RHEX: variants seen among roughly 807,000 people sequenced by gnomAD.
The protein encoded by RHEX is regulator of hemoglobinization and erythroid cell expansion.
In RHEX, 18 loss-of-function variants were observed where a neutral mutation model predicts 20.1. That is an observed-to-expected ratio of 0.90 (90% CI 0.62 to 1.33). The LOEUF is 1.33. Among genes scored for constraint, RHEX ranks in the 40% most tolerant of loss-of-function variants. The pLI, the probability that RHEX is intolerant of heterozygous loss-of-function variation, is 0.00. For synonymous variants in RHEX, 87 were observed against 77.1 expected (o/e 1.13, Z -0.67); for missense variants, 192 against 214.3 (o/e 0.90, Z 0.65).
intron 1 of RHEX, among the ~76,000 whole-genome samples, chr1:206,085,767 C>T (rs1255752809): frequency 1.3e-5 from 2 of 152,092 alleles, no homozygotes; most frequent in Non-Finnish European, 2.9e-5. Context: ...AACAAAATGT[C>T]AGAACTGAAT....
At chr1:206,065,318 C>T (rs1227283548) in intron 1 of RHEX, among the ~76,000 whole-genome samples, 3 of 151,476 alleles carry the variant, frequency 2.0e-5, no homozygotes, top group Non-Finnish European at 2.9e-5. Flanking sequence ...TTGAGCCAGA[C>T]TGTAGGGGCA....
chr1:206,096,023 T>A (rs1306564933), intron 1 of RHEX, among the ~76,000 whole-genome samples: 1 of 151,876 alleles, frequency 6.6e-6, no homozygotes, highest in Non-Finnish European at 1.5e-5. Flanking sequence ...AGAGATGGGG[T>A]CTTGCTATGT....
Position 206,101,162 on chromosome 1 carries a change from T to G in RHEX, c.283T>G (p.Leu95Val), listed in dbSNP as rs141643308. The G allele has an allele frequency of 1.0e-4, 168 of 1,613,218 alleles. No homozygotes were observed. The African/African-American group carries it at 2.0e-3, about 19-fold the overall frequency. ...RHDSDTPSDSLDSSCSSPPAC... is the reference protein window; with the variant it reads ...RHDSDTPSDSVDSSCSSPPAC... ...TGACAGCGACACACCCTCAGATAGC[T>G]TGGATAGCTCCTGCAGTTCGCCTCC... Residue 95 changes from leucine to valine, a missense_variant, in exon 5 of 6, where the codon TTG becomes GTG. Coordinates refer to ENST00000331555, the MANE Select transcript of RHEX (RefSeq NM_001007544.4).
chr1:206,092,010 T>G (rs1374707892), intron 1 of RHEX, among the ~76,000 whole-genome samples: 2 of 152,120 alleles, frequency 1.3e-5, no homozygotes, highest in Non-Finnish European at 2.9e-5. Context: ...TGATAATGCT[T>G]CTAATTTATT....
chr1:206,055,493 A>G (rs1662168925), intron 1 of RHEX, among the ~76,000 whole-genome samples: 1 of 152,268 alleles, frequency 6.6e-6, no homozygotes, highest in Admixed American at 6.5e-5. Context: ...AAAAATAATA[A>G]GACATCGTAA....
At chr1:206,058,700 C>T (rs560008805) in intron 1 of RHEX, among the ~76,000 whole-genome samples, 57 of 152,308 alleles carry the variant, frequency 3.7e-4, no homozygotes, top group African/African-American at 1.3e-3. Context: ...CCGGTGCATG[C>T]AGCCCCTGTC....
At position 206,099,743 on chromosome 1, in the gene RHEX, G is replaced by C. The variant is rs782739960; in HGVS notation, c.201G>C (p.Glu67Asp). 1 of 1,614,062 alleles carries C rather than the reference G, an allele frequency of 6.2e-7. No individual in the cohort carries two copies. Among genetic ancestry groups the C allele is most frequent in the Non-Finnish European group, 8.5e-7 (1 of 1,179,950 alleles). Residue 67 changes from glutamate to aspartate, a missense_variant, in exon 4 of 6, where the codon GAG becomes GAC. Glu to Asp is a conservative substitution (Grantham distance 45). Transcript: ENST00000331555. Reference sequence around the variant, plus strand: ...ACCATCATCCACCTGCTGTCAAAGAGATGAAGGAGACTCAGACAGAGAGAG... The same window carrying C: ...ACCATCATCCACCTGCTGTCAAAGACATGAAGGAGACTCAGACAGAGAGAG... The part of the protein sequence containing the change: ...PGHHHPPAVK[E>D]MKETQTERDI...
intron 1 of RHEX, among the ~76,000 whole-genome samples, chr1:206,058,138 G>A (rs111318987): frequency 1.2e-3 from 183 of 152,338 alleles, no homozygotes; most frequent in African/African-American, 3.3e-3. Flanking sequence ...AGTGTGGCAC[G>A]GACTCAATCT....
chr1:206,089,848 G>T (rs1421246220), intron 1 of RHEX, among the ~76,000 whole-genome samples: 3 of 151,792 alleles, frequency 2.0e-5, no homozygotes, highest in African/African-American at 7.3e-5. Flanking sequence ...TATAAACTGA[G>T]AAAGTTTTCT....
At chr1:206,070,961 C>T (rs1662513619) in intron 1 of RHEX, among the ~76,000 whole-genome samples, 1 of 152,094 alleles carries the variant, frequency 6.6e-6, no homozygotes, top group African/African-American at 2.4e-5. Flanking sequence ...TTAGGGTTCT[C>T]TAGAAGGACA....
In RHEX at chr1:206,099,675, C is replaced by T. The variant is rs1553288148; in HGVS notation, c.133C>T (p.Leu45=). The change falls in exon 4 of 6, where the codon CTG becomes TTG. Residue 45 remains leucine, a synonymous_variant. Transcript: ENST00000331555. ...RHMAHKSEQI[L]KAASLQVPRP... ...TCCAGCCCACAAGAGTGAACAGATA[C>T]TGAAAGCGGCCAGTCTCCAGGTTCC... is the stretch of plus-strand genomic sequence containing the variant. The T allele has an allele frequency of 1.9e-6, 3 of 1,614,104 alleles. No homozygotes were observed. The highest frequency in any genetic ancestry group is 3.3e-5 in the Admixed American group (2 of 60,024).
Position 206,098,078 on chromosome 1 carries a change from CAG to C in RHEX, c.12_13del. ...GACTTTGCCCCTTTTTCTTTCCCAA[CAG>C]AGTCATGGAGGTCTGGCATGGCTTA... is the stretch of plus-strand genomic sequence containing the variant. On this transcript the variant is annotated splice_acceptor_variant, in intron 2 of 5. Transcript: ENST00000331555. LOFTEE classifies it high-confidence loss of function. 2.5e-6 allele frequency: 4 copies of C among 1,611,790 alleles called. No homozygotes were observed. The highest frequency in any genetic ancestry group is 2.2e-5 in the East Asian group (1 of 44,882).
chr1:206,093,431 C>T (rs1036390443), intron 1 of RHEX, among the ~76,000 whole-genome samples: 3 of 151,968 alleles, frequency 2.0e-5, no homozygotes, highest in African/African-American at 4.8e-5. Flanking sequence ...CCACCATGCC[C>T]GGCTAATTTT....
intron 1 of RHEX, among the ~76,000 whole-genome samples, chr1:206,058,138 G>T (rs111318987): frequency 2.0e-5 from 3 of 152,228 alleles, no homozygotes; most frequent in East Asian, 1.9e-4. Flanking sequence ...AGTGTGGCAC[G>T]GACTCAATCT....
chr1:206,098,330 C>A, intron 3 of RHEX, 149 bp downstream of exon 3: 1 of 622,458 alleles, frequency 1.6e-6, no homozygotes, highest in Non-Finnish European at 2.9e-6. Flanking sequence ...ACCGCTCCCC[C>A]TCCCCCCAAT....
chr1:206,090,882 T>A (rs1421298554), intron 1 of RHEX, among the ~76,000 whole-genome samples: 2 of 152,208 alleles, frequency 1.3e-5, no homozygotes, highest in Non-Finnish European at 2.9e-5. Context: ...TTTTAGAATA[T>A]TTATTATATC....
chr1:206,073,182 C>T (rs946315689), intron 1 of RHEX, among the ~76,000 whole-genome samples: 7 of 152,250 alleles, frequency 4.6e-5, no homozygotes, highest in Middle Eastern at 3.4e-3. Context: ...TTGGCAGGCT[C>T]TACCTGTCTC....
chr1:206,101,901 T>C lies in RHEX; in HGVS notation c.468T>C (p.Phe156=), dbSNP rs1663197037. Residue 156 remains phenylalanine (F), a synonymous_variant, in exon 6 of 6, where the codon TTT becomes TTC. Coordinates refer to ENST00000331555, the MANE Select transcript of RHEX (RefSeq NM_001007544.4). The part of the protein sequence containing the change: ...PERHKPSFWY[F]VNPALSEPAE... The stretch of plus-strand genomic sequence containing the variant: ...GACACAAGCCCAGTTTCTGGTATTT[T>C]GTCAACCCTGCTCTGTCTGAGCCAG... 1.2e-6 allele frequency: 2 copies of C among 1,614,154 alleles called. No individual in the cohort carries two copies. The highest frequency in any genetic ancestry group is 1.1e-5 in the South Asian group (1 of 91,090).
chr1:206,085,370 G>T (rs1553286332), intron 1 of RHEX, among the ~76,000 whole-genome samples: 1 of 152,156 alleles, frequency 6.6e-6, no homozygotes, highest in East Asian at 1.9e-4. Flanking sequence ...TGTAGAAGGT[G>T]CCTAGTTTCC....
Sources: gnomAD v4.1 joint callset for allele counts (sites outside exome capture counted in the v4.1 genomes callset) on GRCh38, gnomAD v4.1.1 for gene constraint, MANE v1.5 for transcripts, NCBI Gene and HGNC (gene_info 2026-07-23, HGNC 2026-07-21) for gene names.